The following PGPEP1L variants were observed in gnomAD, a reference collection of about 807,000 sequenced individuals.
PGPEP1L encodes pyroglutamyl-peptidase 1-like protein.
In PGPEP1L, 7 loss-of-function variants were observed where a neutral mutation model predicts 6.0. The observed-to-expected ratio is 1.17, with a 90% confidence interval of 0.66 to 2.19. The LOEUF (loss-of-function observed/expected upper bound fraction) is 2.19. Among genes scored for constraint, PGPEP1L ranks in the 30% most tolerant of loss-of-function variants. The pLI is 0.00. For synonymous variants in PGPEP1L, 103 were observed against 83.9 expected, an observed-to-expected ratio of 1.23 and a Z score of -1.24; for missense variants, 209 against 192.5, an observed-to-expected ratio of 1.09 and a Z score of -0.51.
chr15:98,995,731 T>C (rs1196132120), intron 2 of PGPEP1L, among the ~76,000 whole-genome samples: 2 of 152,166 alleles, frequency 1.3e-5, no homozygotes, highest in African/African-American at 2.4e-5. Context: ...TTTTAGTAGA[T>C]GCAGAGTTAT....
chr15:98,992,178 A>G (rs1326465862), intron 2 of PGPEP1L, among the ~76,000 whole-genome samples: 1 of 152,222 alleles, frequency 6.6e-6, no homozygotes, highest in Non-Finnish European at 1.5e-5. Context: ...TGCAGATGAA[A>G]TGATTGTATA....
At chr15:98,988,587 G>C (rs1596521964) in intron 2 of PGPEP1L, among the ~76,000 whole-genome samples, 1 of 152,218 alleles carries the variant, frequency 6.6e-6, no homozygotes, top group East Asian at 1.9e-4. Flanking sequence ...CAACGTCCCT[G>C]CCTGACAGCT....
intron 3 of PGPEP1L, among the ~76,000 whole-genome samples, chr15:98,970,291 G>A (rs1243450958): frequency 1.3e-5 from 2 of 152,174 alleles, no homozygotes; most frequent in Non-Finnish European, 2.9e-5. Flanking sequence ...TGATCCGCCT[G>A]CCTCGGCCTC....
intron 2 of PGPEP1L, among the ~76,000 whole-genome samples, chr15:98,987,044 A>G (rs1555471545): frequency 1.3e-5 from 2 of 151,596 alleles, no homozygotes; most frequent in South Asian, 2.1e-4. Context: ...GCATGCACCT[A>G]TAGTCCCAGC....
Position 98,985,857 on chromosome 15 carries a change from T to C in PGPEP1L, c.-141-14699A>G, listed in dbSNP as rs116218252. Among the ~76,000 whole-genome samples the C allele has an allele frequency of 5.7e-3, 869 of 152,366 alleles. 9 individuals are homozygous for C. Among genetic ancestry groups the C allele is most frequent in the African/African-American group, 0.02 (821 of 41,588 alleles). On this transcript the variant is annotated intron_variant, in intron 2 of 4. Transcript: ENST00000535714. ...CATTTTGAGAATTTATTCCAGCTTT[T>C]CAGAAGAAGTTAGCCTTCATTGCTG...
At chr15:99,006,546 T>A (rs1284533973) in intron 1 of PGPEP1L, among the ~76,000 whole-genome samples, 10 of 152,268 alleles carry the variant, frequency 6.6e-5, no homozygotes, top group Non-Finnish European at 1.5e-4. Context: ...AACAAACTTT[T>A]GGCCAGGTGC....
At chr15:98,996,173 C>T (rs2017885026) in intron 2 of PGPEP1L, among the ~76,000 whole-genome samples, 1 of 152,152 alleles carries the variant, frequency 6.6e-6, no homozygotes, top group Non-Finnish European at 1.5e-5. Context: ...TCTAAATCTG[C>T]TTCTGCTGAT....
At chr15:98,978,558 T>TTCCCCTTTTTGTTTC (rs1567236272) in intron 2 of PGPEP1L, among the ~76,000 whole-genome samples, 1 of 151,942 alleles carries the variant, frequency 6.6e-6, no homozygotes, top group Non-Finnish European at 1.5e-5. Context: ...TTTTTTGTTT[T>TTCCCCTTTTTGTTTC]TTCCCCAAAA....
chr15:98,998,776 G>A (rs1479733681), intron 2 of PGPEP1L, among the ~76,000 whole-genome samples: 2 of 152,140 alleles, frequency 1.3e-5, no homozygotes, highest in South Asian at 4.1e-4. Flanking sequence ...TCAGGAGTTC[G>A]AGACCAGCCT....
chr15:98,987,267 C>A (rs545624918), intron 2 of PGPEP1L, among the ~76,000 whole-genome samples: 2 of 151,326 alleles, frequency 1.3e-5, no homozygotes, highest in South Asian at 4.2e-4. Context: ...TTTGGGGACA[C>A]CCCTGATATT....
At chr15:98,999,148 G>C (rs932584630) in intron 2 of PGPEP1L, among the ~76,000 whole-genome samples, 15 of 152,158 alleles carry the variant, frequency 9.9e-5, no homozygotes, top group African/African-American at 3.6e-4. Context: ...CCTGTTAAGA[G>C]GAGGAAGAGA....
At chr15:98,975,510 T>C (rs978500980) in intron 2 of PGPEP1L, among the ~76,000 whole-genome samples, 3 of 152,232 alleles carry the variant, frequency 2.0e-5, no homozygotes, top group Non-Finnish European at 4.4e-5. Context: ...TTTGAGATGA[T>C]GGATATCCTA....
intron 2 of PGPEP1L, among the ~76,000 whole-genome samples, chr15:98,985,065 C>T (rs1596519728): frequency 1.3e-5 from 2 of 152,210 alleles, no homozygotes; most frequent in East Asian, 3.9e-4. Flanking sequence ...GATTGAGCAG[C>T]CTATAGTGCA....
rs200768513 is a variant in PGPEP1L at position 98,969,560 on chromosome 15, C to T, written c.74G>A (p.Arg25His). The T allele has an allele frequency of 4.9e-5, 79 of 1,613,806 alleles. No homozygotes were observed. The highest frequency in any genetic ancestry group is 1.2e-4 in the African/African-American group (9 of 74,938). Residue 25 changes from arginine (R) to histidine (H), a missense_variant, in exon 4 of 5, where the codon CGC becomes CAC. Transcript: ENST00000535714. ...CACGCCGCCCTCGGGCCAGAAGCTG[C>T]GGATGTCGGCGTCCCGGTAGCCTTG... is the stretch of plus-strand genomic sequence containing the variant. ...KNQGYRDADI[R>H]SFWPEGGVCL...
chr15:98,976,544 G>C (rs116120866), intron 2 of PGPEP1L, among the ~76,000 whole-genome samples: 33 of 152,210 alleles, frequency 2.2e-4, no homozygotes, highest in African/African-American at 7.2e-4. Context: ...CTCAGGACTT[G>C]AGGTGTCCTG....
Position 98,968,368 on chromosome 15 carries a change from T to C in PGPEP1L, c.*110A>G. 9.1e-7 allele frequency: 1 copy of C among 1,101,878 alleles called. No homozygotes were observed. Among genetic ancestry groups the C allele is most frequent in the Non-Finnish European group, 1.3e-6 (1 of 761,186 alleles). The allele number at this position is 1,101,878 out of a possible 1,614,324, so 68.3% of individuals were successfully genotyped here. ...ATTTTGTTGGGCTAATTCAGAGTTT[T>C]CCACCCTCTTTGTCTTACAAGCAAT... On this transcript the variant is annotated 3_prime_UTR_variant, in exon 5 of 5. Transcript: ENST00000535714.
intron 2 of PGPEP1L, among the ~76,000 whole-genome samples, chr15:99,002,343 A>G (rs782088417): frequency 1.3e-5 from 2 of 152,170 alleles, no homozygotes; most frequent in African/African-American, 4.8e-5. Context: ...TGGAGAACAG[A>G]CTAATGGTTG....
At chr15:98,989,123 G>A (rs1555471787) in intron 2 of PGPEP1L, among the ~76,000 whole-genome samples, 4 of 152,164 alleles carry the variant, frequency 2.6e-5, no homozygotes, top group Admixed American at 2.6e-4. Context: ...AAAACTGGAT[G>A]GAGAATGAGT....
In PGPEP1L at chr15:98,969,372, C is replaced by T. The variant is rs940401852; in HGVS notation, c.209+53G>A. 37 of 1,600,434 alleles carry T rather than the reference C, an allele frequency of 2.3e-5. 1 individual carries two copies. Among genetic ancestry groups the T allele is most frequent in the African/African-American group, 2.7e-5 (2 of 74,654 alleles). ...TTCTTGGAGGTCGGGGGGACGCTGACGGCCATTGCTTCTCTCCTACCTGCT... is the reference window on the plus strand; with the variant it reads ...TTCTTGGAGGTCGGGGGGACGCTGATGGCCATTGCTTCTCTCCTACCTGCT... On this transcript the variant is annotated intron_variant, in intron 4 of 4. Coordinates refer to ENST00000535714, the MANE Select transcript of PGPEP1L (RefSeq NM_001167902.2).
Sources: gnomAD v4.1 joint callset for allele counts (sites outside exome capture counted in the v4.1 genomes callset) on GRCh38, gnomAD v4.1.1 for gene constraint, MANE v1.5 for transcripts, NCBI Gene and HGNC (gene_info 2026-07-23, HGNC 2026-07-21) for gene names.